The following HCN3 variants were observed in gnomAD, a reference collection of about 807,000 sequenced individuals.
HCN3 encodes the protein potassium/sodium hyperpolarization-activated cyclic nucleotide-gated channel 3.
Under a neutral mutation model 56.8 loss-of-function variants are expected in HCN3, and 36 were observed. The ratio of observed to expected loss-of-function variants is 0.63; its 90% CI spans 0.49 to 0.84. The LOEUF (loss-of-function observed/expected upper bound fraction) is 0.84. Ranked by LOEUF, HCN3 falls within the 40% of genes least tolerant of loss-of-function variation. The pLI is 0.00. For missense variants in HCN3, 930 were observed against 1,079.3 expected, an observed-to-expected ratio of 0.86 and a Z score of 1.94; for synonymous variants, 425 against 439.7, an observed-to-expected ratio of 0.97 and a Z score of 0.42.
At position 155,285,462 on chromosome 1, in the gene HCN3, G is replaced by C; in HGVS notation, c.1236+151G>C. ...CAGGTATTTGGGCTTTCAGGGGCTA[G>C]GGTCTTTCTTGAAGGCCCTTTGAGG... On this transcript the variant is annotated intron_variant, in intron 5 of 7. Coordinates refer to ENST00000368358, the MANE Select transcript of HCN3 (RefSeq NM_020897.3). This position sits in a 1 kb window ranked among gnomAD's most constrained non-coding sequence, Gnocchi z 4.5. 9.0e-7 allele frequency: 1 copy of C among 1,107,352 alleles called. No individual in the cohort carries two copies. The highest frequency in any genetic ancestry group is 2.6e-5 in the East Asian group (1 of 38,724). The allele number at this position is 1,107,352 out of a possible 1,614,324, so 68.6% of individuals were successfully genotyped here. A position where few individuals can be genotyped will look rare whatever the true frequency, so the allele number is the denominator to read the frequency against.
At position 155,284,451 on chromosome 1, in the gene HCN3, C is replaced by G. The variant is rs558326774; in HGVS notation, c.871-88C>G. On this transcript the variant is annotated intron_variant, in intron 3 of 7. Transcript: ENST00000368358. This position sits in a 1 kb window ranked among gnomAD's most constrained non-coding sequence, Gnocchi z 4.3. ...GAAGGCCTGCAGTAGAAGGGGCAGA[C>G]AGAAAGACCAAAGAAGGAAAAGGGG... The G allele has an allele frequency of 5.1e-6, 7 of 1,379,700 alleles. No homozygotes were observed. The highest frequency in any genetic ancestry group is 2.6e-4 in the Middle Eastern group (1 of 3,862). The allele number at this position is 1,379,700 out of a possible 1,614,324, so 85.5% of individuals were successfully genotyped here.
intron 2 of HCN3, among the ~76,000 whole-genome samples, chr1:155,283,210 T>C (rs189848615): frequency 4.6e-5 from 7 of 152,262 alleles, no homozygotes; most frequent in Admixed American, 3.9e-4. Context: ...CTCTGCAGTC[T>C]CATTGTCTTT....
chr1:155,287,451 C>A, intron 7 of HCN3, 114 bp downstream of exon 7: 1 of 1,243,642 alleles, frequency 8.0e-7, no homozygotes, highest in Non-Finnish European at 1.1e-6. Flanking sequence ...CATTCAGTCC[C>A]AACAAATGCT....
chr1:155,285,667 G>A lies in HCN3; in HGVS notation c.1237-57G>A. ...GGGTTTCTGGAAGCGGATGAGCTCG[G>A]TGGGATCATCTCAGGTCAGGGGCAC... On this transcript the variant is annotated intron_variant, in intron 5 of 7. Transcript: ENST00000368358. This position sits in a 1 kb window ranked among gnomAD's most constrained non-coding sequence, Gnocchi z 4.5. 2 of 1,600,316 alleles carry A rather than the reference G, an allele frequency of 1.2e-6. No individual in the cohort carries two copies. Among genetic ancestry groups the A allele is most frequent in the Non-Finnish European group, 8.5e-7 (1 of 1,171,800 alleles).
chr1:155,288,003 T>C lies in HCN3; in HGVS notation c.1865T>C (p.Ile622Thr). 6.2e-7 allele frequency: 1 copy of C among 1,614,026 alleles called. No individual in the cohort carries two copies. Among genetic ancestry groups the C allele is most frequent in the Non-Finnish European group, 8.5e-7 (1 of 1,179,996 alleles). ...GCTGCTGTGACCTCCAATGTGGCCATTGCCCTGACTCATCAGCGGGGCCCT... is the reference window on the plus strand; with the variant it reads ...GCTGCTGTGACCTCCAATGTGGCCACTGCCCTGACTCATCAGCGGGGCCCT... ...QAAAVTSNVA[I>T]ALTHQRGPLP... The change falls in exon 8 of 8, where the codon ATT becomes ACT. Residue 622 changes from isoleucine to threonine, a missense_variant. Coordinates refer to ENST00000368358, the MANE Select transcript of HCN3 (RefSeq NM_020897.3). This position sits in a 1 kb window ranked among gnomAD's most constrained non-coding sequence, Gnocchi z 6.5.
chr1:155,285,048 C>A lies in HCN3; in HGVS notation c.1090-117C>A. On this transcript the variant is annotated intron_variant, in intron 4 of 7. Transcript: ENST00000368358. The surrounding 1 kb of genome is among the most constrained non-coding windows in gnomAD (Gnocchi z 4.5). ...CCCTGTGTATCCATGTCTGGTTCCA[C>A]GTTTCACCCCTTTGAGTTTGACCTG... The A allele has an allele frequency of 1.7e-6, 2 of 1,190,818 alleles. No individual in the cohort carries two copies. The highest frequency in any genetic ancestry group is 2.4e-6 in the Non-Finnish European group (2 of 829,622). The allele number at this position is 1,190,818 out of a possible 1,614,324, so 73.8% of individuals were successfully genotyped here. A position where few individuals can be genotyped will look rare whatever the true frequency, so the allele number is the denominator to read the frequency against.
chr1:155,281,951 T>G (rs1393919442), intron 1 of HCN3, among the ~76,000 whole-genome samples: 1 of 152,226 alleles, frequency 6.6e-6, no homozygotes, highest in Non-Finnish European at 1.5e-5. Flanking sequence ...GTTTCTTGCT[T>G]CTTTTGCTCA....
intron 1 of HCN3, among the ~76,000 whole-genome samples, chr1:155,279,993 C>G (rs757398198): frequency 5.3e-5 from 8 of 151,994 alleles, no homozygotes; most frequent in Non-Finnish European, 8.8e-5. Flanking sequence ...GTCGCCCAGG[C>G]TGGAGTGCAA....
At position 155,288,219 on chromosome 1, in the gene HCN3, T is replaced by C; in HGVS notation, c.2081T>C (p.Leu694Pro). 6.3e-7 allele frequency: 1 copy of C among 1,578,246 alleles called. No individual in the cohort carries two copies. The highest frequency in any genetic ancestry group is 1.3e-5 in the African/African-American group (1 of 74,274). The change falls in exon 8 of 8, where the codon CTG (leucine) becomes CCG (proline). Residue 694 changes from leucine (L) to proline (P), a missense_variant. Transcript: ENST00000368358. The surrounding 1 kb of genome is among the most constrained non-coding windows in gnomAD (Gnocchi z 6.5). ...SRAGRSQVSLLGPPPGGGGRR... is the reference protein window; with the variant it reads ...SRAGRSQVSLPGPPPGGGGRR... The stretch of plus-strand genomic sequence containing the variant: ...GCAGGGCGCTCCCAGGTCTCCCTGC[T>C]GGGTCCCCCTCCAGGAGGAGGTGGA...
chr1:155,288,399 C>T lies in HCN3; in HGVS notation c.2261C>T (p.Pro754Leu), dbSNP rs769839630. Residue 754 changes from proline to leucine, a missense_variant, in exon 8 of 8, where the codon CCC becomes CTC. Pro to Leu is a moderately conservative substitution (Grantham distance 98). Transcript: ENST00000368358. The surrounding 1 kb of genome is among the most constrained non-coding windows in gnomAD (Gnocchi z 6.5). The stretch of plus-strand genomic sequence containing the variant: ...GCCAAACCTCCAAGGACAGCCCAGC[C>T]CCCCAGGCCACCAGTGCCTGAGCCA... ...LLAKPPRTAQ[P>L]PRPPVPEPAT... 6.2e-7 allele frequency: 1 copy of T among 1,613,522 alleles called. No individual in the cohort carries two copies. The highest frequency in any genetic ancestry group is 8.5e-7 in the Non-Finnish European group (1 of 1,179,792).
Position 155,277,975 on chromosome 1 carries a change from C to T in HCN3, c.278+107C>T, listed in dbSNP as rs568033530. 42 of 1,369,280 alleles carry T rather than the reference C, an allele frequency of 3.1e-5. No homozygotes were observed. In the East Asian group the frequency reaches 1.0e-3, roughly 33 times the overall value. 84.8% of individuals were successfully genotyped at this position (1,369,280 alleles called of 1,614,324 possible). On this transcript the variant is annotated intron_variant, in intron 1 of 7. Transcript: ENST00000368358. ...CCTCCACGGTCACTTCATTTCCAGCCCGGGGTCCCTTGGTGGGGCGGGAGA... is the reference window on the plus strand; with the variant it reads ...CCTCCACGGTCACTTCATTTCCAGCTCGGGGTCCCTTGGTGGGGCGGGAGA...
chr1:155,282,303 T>C lies in HCN3; in HGVS notation c.279-108T>C. ...CCAACAGCTGTAAACAGTCATTCTG[T>C]TATTGTGTATCTTTGCCCATTCTTG... On this transcript the variant is annotated intron_variant, in intron 1 of 7. Coordinates refer to ENST00000368358, the MANE Select transcript of HCN3 (RefSeq NM_020897.3). This position sits in a 1 kb window ranked among gnomAD's most constrained non-coding sequence, Gnocchi z 4.7. The C allele has an allele frequency of 9.8e-7, 1 of 1,023,996 alleles. No individual in the cohort carries two copies. The highest frequency in any genetic ancestry group is 1.5e-6 in the Non-Finnish European group (1 of 676,916). 63.4% of individuals were successfully genotyped at this position (1,023,996 alleles called of 1,614,324 possible).
chr1:155,288,029 C>T lies in HCN3; in HGVS notation c.1891C>T (p.Leu631=), dbSNP rs1452703989. 2 of 1,613,990 alleles carry T rather than the reference C, an allele frequency of 1.2e-6. No individual in the cohort carries two copies. The highest frequency in any genetic ancestry group is 1.7e-5 in the Admixed American group (1 of 60,004). ...AIALTHQRGP[L]PLSPDSPATL... is the part of the protein sequence containing the mutation. Reference sequence around the variant, plus strand: ...TGCCCTGACTCATCAGCGGGGCCCTCTGCCCCTCTCCCCTGACTCTCCAGC... The same window carrying T: ...TGCCCTGACTCATCAGCGGGGCCCTTTGCCCCTCTCCCCTGACTCTCCAGC... Residue 631 remains leucine, a synonymous_variant, in exon 8 of 8, where the codon CTG becomes TTG. Transcript: ENST00000368358. The surrounding 1 kb of genome is among the most constrained non-coding windows in gnomAD (Gnocchi z 6.5).
At position 155,284,451 on chromosome 1, in the gene HCN3, C is replaced by T; in HGVS notation, c.871-88C>T. On this transcript the variant is annotated intron_variant, in intron 3 of 7. Transcript: ENST00000368358. This position sits in a 1 kb window ranked among gnomAD's most constrained non-coding sequence, Gnocchi z 4.3. ...GAAGGCCTGCAGTAGAAGGGGCAGA[C>T]AGAAAGACCAAAGAAGGAAAAGGGG... 2.9e-6 allele frequency: 4 copies of T among 1,379,818 alleles called. No homozygotes were observed. The South Asian group carries it at 5.4e-5, about 19-fold the overall frequency. The allele number at this position is 1,379,818 out of a possible 1,614,324, so 85.5% of individuals were successfully genotyped here.
In HCN3 at chr1:155,284,843, C is replaced by A; in HGVS notation, c.1089+86C>A. ...ACTTGAGGCCCATTCTGATGTGTGC[C>A]CCTGTTGCGTCTCTGTTTCCTTTCC... On this transcript the variant is annotated intron_variant, in intron 4 of 7. Transcript: ENST00000368358. The surrounding 1 kb of genome is among the most constrained non-coding windows in gnomAD (Gnocchi z 4.3). 1 of 1,193,194 alleles carries A rather than the reference C, an allele frequency of 8.4e-7. No individual in the cohort carries two copies. The highest frequency in any genetic ancestry group is 1.2e-6 in the Non-Finnish European group (1 of 844,702). 73.9% of individuals were successfully genotyped at this position (1,193,194 alleles called of 1,614,324 possible). A position where few individuals can be genotyped will look rare whatever the true frequency, so the allele number is the denominator to read the frequency against.
At position 155,282,893 on chromosome 1, in the gene HCN3, A is replaced by C; in HGVS notation, c.708+53A>C. The C allele has an allele frequency of 8.9e-5, 18 of 202,262 alleles. No individual in the cohort carries two copies. Among genetic ancestry groups the C allele is most frequent in the East Asian group, 2.1e-4 (2 of 9,306 alleles). The allele number at this position is 202,262 out of a possible 1,614,324, so 12.5% of individuals were successfully genotyped here. On this transcript the variant is annotated intron_variant, in intron 2 of 7. Transcript: ENST00000368358. This position sits in a 1 kb window ranked among gnomAD's most constrained non-coding sequence, Gnocchi z 4.7. ...AGTGGGTGGGGGATGTTGGGGGAGA[A>C]GGGGGCGGGGCGGCTGGTGGACTTC... is the stretch of plus-strand genomic sequence containing the variant.
intron 2 of HCN3, 145 bp from the exon 3 acceptor site, chr1:155,283,829 A>C: frequency 1.2e-6 from 1 of 803,740 alleles, no homozygotes; most frequent in South Asian, 1.9e-5. Flanking sequence ...ACAAAACTCC[A>C]CACAAATGAA....
chr1:155,279,885 A>G (rs1010855278), intron 1 of HCN3, among the ~76,000 whole-genome samples: 1 of 152,136 alleles, frequency 6.6e-6, no homozygotes, highest in African/African-American at 2.4e-5. Flanking sequence ...GGTAAATGAT[A>G]TATAGTAGGG....
In HCN3 at chr1:155,285,716, C is replaced by A. The variant is rs1041276426; in HGVS notation, c.1237-8C>A. On this transcript the variant is annotated splice_region_variant and splice_polypyrimidine_tract_variant and intron_variant, in intron 5 of 7. Transcript: ENST00000368358. The surrounding 1 kb of genome is among the most constrained non-coding windows in gnomAD (Gnocchi z 4.5). ...ACAGCCTGCCTGACAGGCCCCTCCC[C>A]TGTCCAGGAGATCATTAACTTCACC... The A allele has an allele frequency of 1.1e-5, 17 of 1,613,890 alleles. No homozygotes were observed. The highest frequency in any genetic ancestry group is 1.4e-5 in the Non-Finnish European group (16 of 1,179,952).
Sources: gnomAD v4.1 joint callset for allele counts (sites outside exome capture counted in the v4.1 genomes callset) on GRCh38, gnomAD v4.1.1 for gene constraint, Gnocchi (gnomAD v3.1) non-coding constraint, MANE v1.5 for transcripts, NCBI Gene and HGNC (gene_info 2026-07-23, HGNC 2026-07-21) for gene names.